Variants in GPD1L observed in about 807,000 individuals in gnomAD.
GPD1L encodes the protein glycerol-3-phosphate dehydrogenase 1-like protein.
A neutral mutation model predicts 32.9 loss-of-function variants in GPD1L; 17 were observed. The observed-to-expected ratio is 0.52, with a 90% CI of 0.35 to 0.78. The LOEUF is 0.78. Ranked by LOEUF, GPD1L falls within the 30% of genes least tolerant of loss-of-function variation. GPD1L has a pLI of 0.01. For synonymous variants in GPD1L, 187 were observed against 165.9 expected (o/e 1.13, Z -0.98); for missense variants, 361 against 447.8 (o/e 0.81, Z 1.75).
At chr3:32,129,499 G>A (rs1402486407) in intron 2 of GPD1L, among the ~76,000 whole-genome samples, 1 of 152,178 alleles carries the variant, frequency 6.6e-6, no homozygotes, top group East Asian at 1.9e-4. Context: ...TTTCCTATTA[G>A]GGTGATTATT....
intron 6 of GPD1L, 90 bp from the exon 7 acceptor site, chr3:32,159,478 A>AG: frequency 4.7e-6 from 4 of 849,672 alleles, no homozygotes; most frequent in East Asian, 2.9e-5. Context: ...AAAAAAAAAA[A>AG]AAGAAAAAAA....
At position 32,155,241 on chromosome 3, in the gene GPD1L, G is replaced by A. The variant is rs140699842; in HGVS notation, c.619-3635G>A. ...TCCAGACTCCATCTTTTACCAGTGA[G>A]GTGTTCTCAGTGGGCCACTAAACCT... On this transcript the variant is annotated intron_variant, in intron 5 of 7. Coordinates refer to ENST00000282541, the MANE Select transcript of GPD1L (RefSeq NM_015141.4). 5.8e-4 allele frequency among the ~76,000 whole-genome samples: 88 copies of A among 152,322 alleles called. 1 individual carries two copies. The highest frequency in any genetic ancestry group is 2.0e-3 in the African/African-American group (84 of 41,572).
At chr3:32,119,070 T>C (rs1395685350) in intron 1 of GPD1L, among the ~76,000 whole-genome samples, 1 of 152,250 alleles carries the variant, frequency 6.6e-6, no homozygotes, top group East Asian at 1.9e-4. Context: ...AGTGTTGCTA[T>C]GAACATGGGT....
chr3:32,145,409 A>C (rs1700805687), intron 4 of GPD1L, among the ~76,000 whole-genome samples: 1 of 152,206 alleles, frequency 6.6e-6, no homozygotes, highest in African/African-American at 2.4e-5. Context: ...ATTGCTATAA[A>C]TCAAGCCCAC....
intron 1 of GPD1L, among the ~76,000 whole-genome samples, chr3:32,111,959 T>C (rs1249495340): frequency 1.3e-5 from 2 of 152,116 alleles, no homozygotes; most frequent in African/African-American, 4.8e-5. Flanking sequence ...TGAGTGACTA[T>C]AAGTTAGCTC....
rs1259656737 is a variant in GPD1L at position 32,165,969 on chromosome 3, A to T, written c.*59A>T. 1 of 937,618 alleles carries T rather than the reference A, an allele frequency of 1.1e-6. No homozygotes were observed. The highest frequency in any genetic ancestry group is 1.8e-6 in the Non-Finnish European group (1 of 563,416). The allele number at this position is 937,618 out of a possible 1,614,324, so 58.1% of individuals were successfully genotyped here. A position where few individuals can be genotyped will look rare whatever the true frequency, so the allele number is the denominator to read the frequency against. On this transcript the variant is annotated 3_prime_UTR_variant, in exon 8 of 8. Transcript: ENST00000282541. ...CCTTTCTGATCAATCTTTTGGGTTC[A>T]CGTGGAAACCAGGACTTGGCAACAT...
At chr3:32,131,741 G>A (rs1275948763) in intron 2 of GPD1L, among the ~76,000 whole-genome samples, 3 of 152,074 alleles carry the variant, frequency 2.0e-5, no homozygotes, top group African/African-American at 7.2e-5. Flanking sequence ...ACAATGTTTT[G>A]TATGAACATA....
In GPD1L at chr3:32,138,264, G is replaced by A. The variant is rs190037283; in HGVS notation, c.226-323G>A. ...AGAACAGAATGGGGCAGAGAAGAGC[G>A]GAAAATGGATGAGGGGGCTGGTGAG... On this transcript the variant is annotated intron_variant, in intron 2 of 7. Transcript: ENST00000282541. Among the ~76,000 whole-genome samples the A allele has an allele frequency of 2.5e-3, 381 of 152,314 alleles. 1 individual carries two copies. Among genetic ancestry groups the A allele is most frequent in the Non-Finnish European group, 4.1e-3 (280 of 68,032 alleles).
At chr3:32,136,765 TG>T (rs1700666325) in intron 2 of GPD1L, among the ~76,000 whole-genome samples, 1 of 151,316 alleles carries the variant, frequency 6.6e-6, no homozygotes, top group Admixed American at 6.7e-5. Flanking sequence ...CCATGTTTTT[TG>T]TTTTTTTTTC....
chr3:32,131,058 A>ATTATT lies in GPD1L; in HGVS notation c.225+2808_225+2812dup, dbSNP rs1198518713. Among the ~76,000 whole-genome samples, 7 of 152,066 alleles carry ATTATT rather than the reference A, an allele frequency of 4.6e-5. No homozygotes were observed. The East Asian group carries it at 1.2e-3, about 25-fold the overall frequency. On this transcript the variant is annotated intron_variant, in intron 2 of 7. Transcript: ENST00000282541. ...CCGTTTAAAAAAAAAAAGAATGCTC[A>ATTATT]TTATTTTCTGTAATTGCAAAATGGT...
chr3:32,159,160 C>G, intron 6 of GPD1L, 51 bp downstream of exon 6: 2 of 1,403,810 alleles, frequency 1.4e-6, no homozygotes, highest in African/African-American at 1.4e-5. Flanking sequence ...CTTGAGACTC[C>G]TGGCTTGGGG....
At chr3:32,119,793 C>T (rs370439470) in intron 1 of GPD1L, among the ~76,000 whole-genome samples, 2 of 152,110 alleles carry the variant, frequency 1.3e-5, no homozygotes, top group African/African-American at 4.8e-5. Context: ...GCCCATGGAA[C>T]CAGCCCGGGT....
At chr3:32,139,866 A>G (rs1442239670) in intron 3 of GPD1L, among the ~76,000 whole-genome samples, 4 of 152,212 alleles carry the variant, frequency 2.6e-5, no homozygotes, top group African/African-American at 9.6e-5. Context: ...ATAATGACGT[A>G]TAACATTGTC....
intron 1 of GPD1L, among the ~76,000 whole-genome samples, chr3:32,117,409 A>G (rs1335721931): frequency 6.6e-6 from 1 of 152,234 alleles, no homozygotes; most frequent in African/African-American, 2.4e-5. Context: ...GCCTAGAAAC[A>G]TAAGCAGAAA....
intron 1 of GPD1L, among the ~76,000 whole-genome samples, chr3:32,109,124 C>T (rs113579395): frequency 0.05 from 7,625 of 152,288 alleles, 239 homozygotes; most frequent in Middle Eastern, 0.099. Flanking sequence ...GCTGGGATTA[C>T]AGGCATGAAC....
chr3:32,133,129 G>A (rs1027793794), intron 2 of GPD1L, among the ~76,000 whole-genome samples: 8 of 152,144 alleles, frequency 5.3e-5, no homozygotes, highest in South Asian at 2.1e-4. Context: ...CATGGTGTCC[G>A]GTTAGCTGAC....
Position 32,123,791 on chromosome 3 carries a change from AAGAT to A in GPD1L, c.48-4237_48-4234del, listed in dbSNP as rs564716825. Among the ~76,000 whole-genome samples, 576 of 126,990 alleles carry A rather than the reference AAGAT, an allele frequency of 4.5e-3. 2 individuals carry two copies. The highest frequency in any genetic ancestry group is 7.8e-3 in the Middle Eastern group (2 of 258). 83.3% of individuals were successfully genotyped at this position (126,990 alleles called of 152,430 possible). A position where few individuals can be genotyped will look rare whatever the true frequency, so the allele number is the denominator to read the frequency against. ...AGAGAGATAGATATGCAGGAATTGAAAGATAGATAGATAGATAGATAGATAGATA... is the reference window on the plus strand; with the variant it reads ...AGAGAGATAGATATGCAGGAATTGAAAGATAGATAGATAGATAGATAGATA... On this transcript the variant is annotated intron_variant, in intron 1 of 7. Coordinates refer to ENST00000282541, the MANE Select transcript of GPD1L (RefSeq NM_015141.4).
intron 2 of GPD1L, among the ~76,000 whole-genome samples, chr3:32,130,292 C>G (rs1459781249): frequency 6.6e-6 from 1 of 152,118 alleles, no homozygotes; most frequent in Non-Finnish European, 1.5e-5. Context: ...ATCTCTCAAA[C>G]CTATTCTTCC....
chr3:32,142,124 CTTT>C (rs11286209), intron 4 of GPD1L, among the ~76,000 whole-genome samples: 2 of 145,754 alleles, frequency 1.4e-5, no homozygotes, highest in African/African-American at 2.6e-5. Flanking sequence ...ACATGATTTT[CTTT>C]TTTTTTTTTT....
Sources: allele counts gnomAD v4.1 joint callset (sites outside exome capture counted in the v4.1 genomes callset), GRCh38; gene constraint gnomAD v4.1.1; transcripts MANE v1.5; gene names NCBI Gene and HGNC (gene_info 2026-07-23, HGNC 2026-07-21).